GPC1: variants seen among roughly 807,000 people sequenced by gnomAD.
GPC1 encodes glypican-1.
In GPC1, 26 loss-of-function variants were observed where a neutral mutation model predicts 51.5. The observed-to-expected ratio is 0.50, with a 90% CI of 0.37 to 0.70. The LOEUF (loss-of-function observed/expected upper bound fraction) is 0.70, where lower values mean the gene tolerates loss of function less well. Ranked by LOEUF, GPC1 falls within the 30% of genes least tolerant of loss-of-function variation. GPC1 has a pLI of 0.00. For missense variants in GPC1, 775 were observed against 800.5 expected (o/e 0.97, Z 0.38); for synonymous variants, 380 against 348.3 (o/e 1.09, Z -1.01).
chr2:240,454,416 C>G (rs985873486), intron 1 of GPC1, among the ~76,000 whole-genome samples: 1 of 152,198 alleles, frequency 6.6e-6, no homozygotes, highest in Non-Finnish European at 1.5e-5. Flanking sequence ...GGTTGGGGTC[C>G]GAGAGCAGAT....
chr2:240,439,360 C>T (rs2074003744), intron 1 of GPC1, among the ~76,000 whole-genome samples: 1 of 152,104 alleles, frequency 6.6e-6, no homozygotes, highest in South Asian at 2.1e-4. Context: ...GGTCTCCCAG[C>T]CTGAGGCAGA....
intron 1 of GPC1, chr2:240,451,278 T>G (rs534058648): frequency 2.1e-4 from 101 of 470,872 alleles, no homozygotes; most frequent in Middle Eastern, 3.3e-4. Flanking sequence ...GCGCGGCGTC[T>G]TTGTGGACTG....
chr2:240,460,577 G>C (rs1381748495), intron 2 of GPC1, among the ~76,000 whole-genome samples: 1 of 152,174 alleles, frequency 6.6e-6, no homozygotes, highest in Non-Finnish European at 1.5e-5. Flanking sequence ...CTGGCTCTTA[G>C]GGGGTTGGTG....
Position 240,435,846 on chromosome 2 carries a change from G to A in GPC1, c.-73G>A. On this transcript the variant is annotated 5_prime_UTR_variant, in exon 1 of 9. Coordinates refer to ENST00000264039, the MANE Select transcript of GPC1 (RefSeq NM_002081.3). ...GACCTTGGCTCTGCCCTTCGCGGGCGGGAACTGCGCAGGACCCGGCCAGGA... is the reference window on the plus strand; with the variant it reads ...GACCTTGGCTCTGCCCTTCGCGGGCAGGAACTGCGCAGGACCCGGCCAGGA... 1 of 994,750 alleles carries A rather than the reference G, an allele frequency of 1.0e-6. No individual in the cohort carries two copies. Among genetic ancestry groups the A allele is most frequent in the Non-Finnish European group, 1.3e-6 (1 of 778,800 alleles). The allele number at this position is 994,750 out of a possible 1,614,324, so 61.6% of individuals were successfully genotyped here.
At chr2:240,458,301 G>A (rs1347821739) in intron 1 of GPC1, 2 of 283,716 alleles carry the variant, frequency 7.0e-6, no homozygotes, top group South Asian at 3.3e-5. Flanking sequence ...TCCCCACAAG[G>A]AGGTGAAGCT....
rs969573434 is a variant in GPC1 at position 240,435,670 on chromosome 2, C to G, written c.-249C>G. 6 of 164,822 alleles carry G rather than the reference C, an allele frequency of 3.6e-5. No homozygotes were observed. Among genetic ancestry groups the G allele is most frequent in the Non-Finnish European group, 7.7e-5 (6 of 77,666 alleles). 10.2% of individuals were successfully genotyped at this position (164,822 alleles called of 1,614,324 possible). ...GCCGGCGGCGGGGGAGGCGCCGAGC[C>G]GGGACTGCGCTAGCCCGCCGCGCTC... On this transcript the variant is annotated 5_prime_UTR_variant, in exon 1 of 9. Coordinates refer to ENST00000264039, the MANE Select transcript of GPC1 (RefSeq NM_002081.3).
At chr2:240,439,636 T>G (rs1402887815) in intron 1 of GPC1, among the ~76,000 whole-genome samples, 1 of 152,062 alleles carries the variant, frequency 6.6e-6, no homozygotes, top group Non-Finnish European at 1.5e-5. Flanking sequence ...GGCCTGGACC[T>G]CTCCTTCCCA....
At chr2:240,438,146 T>C (rs1425726538) in intron 1 of GPC1, among the ~76,000 whole-genome samples, 1 of 152,214 alleles carries the variant, frequency 6.6e-6, no homozygotes, top group Non-Finnish European at 1.5e-5. Context: ...CAGTGCCTGC[T>C]GCCAGGGCTC....
rs2074121760 is a variant in GPC1 at position 240,453,337 on chromosome 2, CCGCCCCG to C, written c.167-5691_167-5685del. On this transcript the variant is annotated intron_variant, in intron 1 of 8. Transcript: ENST00000264039. ...CCACCGCCCGCCCCGCTCCCACCGC[CCGCCCCG>C]CTCCCACCGCCCGCCCCGCTCCCTC... Among the ~76,000 whole-genome samples, 5 of 15,516 alleles carry C rather than the reference CCGCCCCG, an allele frequency of 3.2e-4. 1 individual carries two copies. Among genetic ancestry groups the C allele is most frequent in the Non-Finnish European group, 5.5e-4 (5 of 9,134 alleles). The allele number at this position is 15,516 out of a possible 152,430, so 10.2% of individuals were successfully genotyped here. A position where few individuals can be genotyped will look rare whatever the true frequency, so the allele number is the denominator to read the frequency against.
At chr2:240,447,471 GCA>G (rs2074058572) in intron 1 of GPC1, among the ~76,000 whole-genome samples, 1 of 152,216 alleles carries the variant, frequency 6.6e-6, no homozygotes, top group Admixed American at 6.5e-5. Context: ...ACGTAGGTGT[GCA>G]CACACTGCCT....
intron 1 of GPC1, among the ~76,000 whole-genome samples, chr2:240,445,119 G>T (rs1449260459): frequency 6.6e-6 from 1 of 152,148 alleles, no homozygotes; most frequent in Admixed American, 6.5e-5. Context: ...CGAGCCTGGC[G>T]GGGGGCTGTA....
chr2:240,438,198 C>G (rs2073995867), intron 1 of GPC1, among the ~76,000 whole-genome samples: 1 of 152,210 alleles, frequency 6.6e-6, no homozygotes, highest in Non-Finnish European at 1.5e-5. Flanking sequence ...CAGGACTGCA[C>G]TGGGCAGGAT....
At position 240,457,415 on chromosome 2, in the gene GPC1, T is replaced by G. The variant is rs1055931835; in HGVS notation, c.167-1615T>G. The stretch of plus-strand genomic sequence containing the variant: ...CGGGCTCCTCCCTGAGTGTGTGTAC[T>G]TAGAGGGTGCGGAAGATCAGCAAAC... On this transcript the variant is annotated intron_variant, in intron 1 of 8. Transcript: ENST00000264039. 1.1e-4 allele frequency: 51 copies of G among 470,368 alleles called. No homozygotes were observed. The Admixed American group carries it at 1.1e-3, about 10-fold the overall frequency. The allele number at this position is 470,368 out of a possible 1,614,324, so 29.1% of individuals were successfully genotyped here.
intron 2 of GPC1, among the ~76,000 whole-genome samples, chr2:240,461,330 A>C (rs1429376344): frequency 6.6e-6 from 1 of 152,114 alleles, no homozygotes; most frequent in African/African-American, 2.4e-5. Flanking sequence ...CTGCCCTGCT[A>C]CCCTGGAGCA....
chr2:240,456,779 C>G (rs546625690), intron 1 of GPC1: 1 of 367,198 alleles, frequency 2.7e-6, no homozygotes, highest in South Asian at 2.0e-5. Flanking sequence ...GGGGGTGGGA[C>G]TGGGGCAGAA....
chr2:240,443,968 T>C (rs2074033750), intron 1 of GPC1, among the ~76,000 whole-genome samples: 1 of 152,202 alleles, frequency 6.6e-6, no homozygotes. Flanking sequence ...GCTCTGGGCC[T>C]GGCTAGCAGG....
rs780468702 is a variant in GPC1, at chr2:240,462,238, A to G, written c.373A>G (p.Thr125Ala). The G allele has an allele frequency of 1.9e-5, 30 of 1,610,210 alleles. No homozygotes were observed. The highest frequency in any genetic ancestry group is 2.3e-5 in the Non-Finnish European group (27 of 1,178,500). ...LNDSERTLQATFPGAFGELYT... is the reference protein window; with the variant it reads ...LNDSERTLQAAFPGAFGELYT... Reference sequence around the variant, plus strand: ...CGACTCGGAGCGGACGCTGCAGGCCACCTTCCCCGGCGCCTTCGGAGAGCT... The same window carrying G: ...CGACTCGGAGCGGACGCTGCAGGCCGCCTTCCCCGGCGCCTTCGGAGAGCT... Residue 125 changes from threonine to alanine, a missense_variant, in exon 3 of 9, where the codon ACC becomes GCC. Thr to Ala is a moderately conservative substitution (Grantham distance 58). Transcript: ENST00000264039.
In GPC1 at chr2:240,459,181, C is replaced by T. The variant is rs759828837; in HGVS notation, c.318C>T (p.Ser106=). ...CCATGCTTGCCACCCAGCTGCGCAG[C>T]TTCGATGGTGAGTGCCTCCCACGGG... is the stretch of plus-strand genomic sequence containing the variant. ...LQAMLATQLR[S]FDDHFQHLLN... The change falls in exon 2 of 9, where the codon AGC becomes AGT. Residue 106 remains serine, a synonymous_variant. Transcript: ENST00000264039. 4 of 1,611,678 alleles carry T rather than the reference C, an allele frequency of 2.5e-6. No individual in the cohort carries two copies. Among genetic ancestry groups the T allele is most frequent in the South Asian group, 1.1e-5 (1 of 90,968 alleles).
At position 240,464,573 on chromosome 2, in the gene GPC1, G is replaced by A. The variant is rs199587685; in HGVS notation, c.884-43G>A. On this transcript the variant is annotated intron_variant, in intron 4 of 8. Transcript: ENST00000264039. Reference sequence around the variant, plus strand: ...CGTGTGCGTGTCAACGCCTGTGTGCGCGCGTTAACGCCTGTGTGTCCGCGT... The same window carrying A: ...CGTGTGCGTGTCAACGCCTGTGTGCACGCGTTAACGCCTGTGTGTCCGCGT... 280 of 293,112 alleles carry A rather than the reference G, an allele frequency of 9.6e-4. 1 individual carries two copies. The African/African-American group carries it at 0.018, about 19-fold the overall frequency. The allele number at this position is 293,112 out of a possible 1,614,324, so 18.2% of individuals were successfully genotyped here.
Sources: gnomAD v4.1 joint callset for allele counts (sites outside exome capture counted in the v4.1 genomes callset) on GRCh38, gnomAD v4.1.1 for gene constraint, MANE v1.5 for transcripts, NCBI Gene and HGNC (gene_info 2026-07-23, HGNC 2026-07-21) for gene names.